Variants in PCDHGA2 observed in about 807,000 individuals in gnomAD.
PCDHGA2 encodes protocadherin gamma subfamily A, 2.
PCDHGA2 carries 40 observed loss-of-function variants against 59.2 expected under a neutral mutation model. That is an observed-to-expected ratio of 0.68 (90% confidence interval 0.52 to 0.88). The LOEUF (loss-of-function observed/expected upper bound fraction) is 0.88, where lower values mean the gene tolerates loss of function less well. PCDHGA2 is among the 40% of genes least tolerant of loss of function. PCDHGA2 has a pLI of 0.00. For synonymous variants in PCDHGA2, 560 were observed against 526.0 expected, an observed-to-expected ratio of 1.06 and a Z score of -0.89; for missense variants, 1,226 against 1,204.0, an observed-to-expected ratio of 1.02 and a Z score of -0.27.
chr5:141,351,109 AAGT>A, intron 1 of PCDHGA2: 1 of 1,614,046 alleles, frequency 6.2e-7, no homozygotes, highest in Non-Finnish European at 8.5e-7. Context: ...ATTCCCCAAT[AAGT>A]ACCAGCCTCT....
At chr5:141,399,129 A>G (rs1280077247) in intron 1 of PCDHGA2, 2 of 1,613,848 alleles carry the variant, frequency 1.2e-6, no homozygotes, top group Non-Finnish European at 8.5e-7. Context: ...TTAATATTCA[A>G]GATGAAAATG....
chr5:141,451,812 C>G (rs974567828), intron 1 of PCDHGA2, among the ~76,000 whole-genome samples: 1 of 149,686 alleles, frequency 6.7e-6, no homozygotes, highest in Non-Finnish European at 1.5e-5. Flanking sequence ...ACCCAGGAGG[C>G]GGAGGTTACA....
intron 1 of PCDHGA2, chr5:141,426,709 A>G (rs1259104705): frequency 6.8e-6 from 3 of 443,800 alleles, no homozygotes; most frequent in South Asian, 3.1e-5. Flanking sequence ...TTACAAATCA[A>G]TGAACTAGCA....
intron 1 of PCDHGA2, among the ~76,000 whole-genome samples, chr5:141,438,397 C>A (rs950830331): frequency 6.6e-6 from 1 of 151,624 alleles, no homozygotes. Context: ...TCATCATTAA[C>A]TCTCTGAAGT....
chr5:141,374,849 C>A (rs1770893112), intron 1 of PCDHGA2: 3 of 1,613,636 alleles, frequency 1.9e-6, no homozygotes, highest in South Asian at 1.1e-5. Context: ...TGAAAACCTG[C>A]CAGTAGGCAC....
intron 1 of PCDHGA2, among the ~76,000 whole-genome samples, chr5:141,492,745 C>G (rs2099743569): frequency 6.6e-6 from 1 of 152,262 alleles, no homozygotes; most frequent in Non-Finnish European, 1.5e-5. Flanking sequence ...GTGGCCGAGG[C>G]GCGGCAGGGC....
rs138463062 is a variant in PCDHGA2 at position 141,485,217 on chromosome 5, C to G, written c.2425-9590C>G. 6.8e-6 allele frequency: 11 copies of G among 1,613,996 alleles called. No individual in the cohort carries two copies. Among genetic ancestry groups the G allele is most frequent in the Non-Finnish European group, 9.3e-6 (11 of 1,179,978 alleles). ...AGCTGGACAGAAATCTGGCGGTGGGCTACCCTTTTGTTCCTCTTTTACCAC... is the reference window on the plus strand; with the variant it reads ...AGCTGGACAGAAATCTGGCGGTGGGGTACCCTTTTGTTCCTCTTTTACCAC... On this transcript the variant is annotated intron_variant, in intron 1 of 3. Coordinates refer to ENST00000394576, the MANE Select transcript of PCDHGA2 (RefSeq NM_018915.4). This position sits in a 1 kb window ranked among gnomAD's most constrained non-coding sequence, Gnocchi z 5.7.
At chr5:141,349,242 ATTT>A (rs11302014) in intron 1 of PCDHGA2, among the ~76,000 whole-genome samples, 3 of 151,700 alleles carry the variant, frequency 2.0e-5, no homozygotes, top group Admixed American at 2.0e-4. Context: ...GATAATTTTT[ATTT>A]TTTTTAGTAG....
intron 1 of PCDHGA2, chr5:141,361,921 G>C: frequency 6.2e-7 from 1 of 1,607,720 alleles, no homozygotes; most frequent in Non-Finnish European, 8.5e-7. Flanking sequence ...GGCGGTGGAC[G>C]CAGACTCAGG....
At chr5:141,502,231 G>A (rs2099813372) in intron 2 of PCDHGA2, among the ~76,000 whole-genome samples, 1 of 152,172 alleles carries the variant, frequency 6.6e-6, no homozygotes, top group Non-Finnish European at 1.5e-5. Context: ...TGTTCTGTGT[G>A]TTCTTTTATC....
At chr5:141,461,663 G>C (rs1230719552) in intron 1 of PCDHGA2, among the ~76,000 whole-genome samples, 1 of 151,984 alleles carries the variant, frequency 6.6e-6, no homozygotes, top group Admixed American at 6.6e-5. Flanking sequence ...TTATTTTAAA[G>C]TTTGTTATTT....
chr5:141,394,269 C>T (rs367765478), intron 1 of PCDHGA2: 2 of 1,613,948 alleles, frequency 1.2e-6, no homozygotes, highest in Admixed American at 3.3e-5. Context: ...GGAGAATGCC[C>T]AGGTCACTTA....
Position 141,414,298 on chromosome 5 carries a change from G to A in PCDHGA2, c.2424+72903G>A, listed in dbSNP as rs200349573. ...GGGAACAGTCGTAGCCCTTTTAAAT[G>A]TGCATGATTTAGACTCTGAGCAGAA... On this transcript the variant is annotated intron_variant, in intron 1 of 3. Transcript: ENST00000394576. The A allele has an allele frequency of 1.9e-5, 30 of 1,613,626 alleles. No homozygotes were observed. In the East Asian group the frequency reaches 6.7e-4, roughly 36 times the overall value.
At chr5:141,380,044 T>G (rs2150154825) in intron 1 of PCDHGA2, among the ~76,000 whole-genome samples, 1 of 151,770 alleles carries the variant, frequency 6.6e-6, no homozygotes, top group African/African-American at 2.4e-5. Context: ...GGATTACAGG[T>G]GCATGCCACC....
At chr5:141,415,482 G>A in intron 1 of PCDHGA2, 1 of 1,614,218 alleles carries the variant, frequency 6.2e-7, no homozygotes, top group Non-Finnish European at 8.5e-7. Flanking sequence ...ACTCGCGAAA[G>A]AGTCACCTGA....
chr5:141,465,448 A>G (rs2099103302), intron 1 of PCDHGA2, among the ~76,000 whole-genome samples: 2 of 152,192 alleles, frequency 1.3e-5, no homozygotes, highest in Admixed American at 1.3e-4. Flanking sequence ...TTACCCAAGA[A>G]AACTCTCACC....
In PCDHGA2 at chr5:141,366,896, A is replaced by T. The variant is rs73265840; in HGVS notation, c.2424+25501A>T. On this transcript the variant is annotated intron_variant, in intron 1 of 3. Coordinates refer to ENST00000394576, the MANE Select transcript of PCDHGA2 (RefSeq NM_018915.4). The stretch of plus-strand genomic sequence containing the variant: ...GAGATTAATTTTTTTTATATAATTC[A>T]TGCTTTCTCCATTTGTTTTCAAATT... The T allele has an allele frequency of 1.9e-3, 2,253 of 1,216,574 alleles. 33 individuals carry two copies. The African/African-American group carries it at 0.031, about 17-fold the overall frequency. The allele number at this position is 1,216,574 out of a possible 1,614,324, so 75.4% of individuals were successfully genotyped here.
chr5:141,433,307 C>A, intron 1 of PCDHGA2: 1 of 913,756 alleles, frequency 1.1e-6, no homozygotes, highest in Non-Finnish European at 1.6e-6. Flanking sequence ...AATTATCCCA[C>A]CTTTGCCTCC....
At chr5:141,410,117 C>T (rs768592770) in intron 1 of PCDHGA2, 6 of 1,612,766 alleles carry the variant, frequency 3.7e-6, no homozygotes, top group Admixed American at 3.3e-5. Context: ...GGACGCAGCC[C>T]GCCAGCGCCT....
Sources: gnomAD v4.1 joint callset for allele counts (sites outside exome capture counted in the v4.1 genomes callset) on GRCh38, gnomAD v4.1.1 for gene constraint, Gnocchi (gnomAD v3.1) non-coding constraint, MANE v1.5 for transcripts, NCBI Gene and HGNC (gene_info 2026-07-23, HGNC 2026-07-21) for gene names.